ERBB4: variants seen among roughly 807,000 people sequenced by gnomAD.
ERBB4 encodes erb-b2 receptor tyrosine kinase 4.
A neutral mutation model predicts 158.0 loss-of-function variants in ERBB4; 42 were observed. The ratio of observed to expected loss-of-function variants is 0.27; its 90% CI spans 0.21 to 0.34. The LOEUF (loss-of-function observed/expected upper bound fraction) is 0.34. Among genes scored for constraint, ERBB4 ranks in the 10% least tolerant of loss-of-function variants. The pLI is 1.00. For synonymous variants in ERBB4, 583 were observed against 558.7 expected (o/e 1.04, Z -0.61); for missense variants, 1,333 against 1,624.1 (o/e 0.82, Z 3.08).
At chr2:211,889,904 G>A (rs1448950672) in intron 3 of ERBB4, among the ~76,000 whole-genome samples, 2 of 141,826 alleles carry the variant, frequency 1.4e-5, no homozygotes, top group Admixed American at 7.1e-5. Flanking sequence ...ATGGGACTAT[G>A]TGAAAAGACC....
At chr2:211,422,591 T>G (rs528097019) in intron 23 of ERBB4, among the ~76,000 whole-genome samples, 1 of 151,796 alleles carries the variant, frequency 6.6e-6, no homozygotes, top group South Asian at 2.1e-4. Flanking sequence ...AAAAATACTA[T>G]CAGCAATTTT....
intron 3 of ERBB4, among the ~76,000 whole-genome samples, chr2:211,944,177 C>T (rs1479261922): frequency 2.6e-5 from 1 of 38,584 alleles, no homozygotes; most frequent in Non-Finnish European, 5.6e-5. Context: ...TATATATATA[C>T]TATATATATA....
At chr2:212,019,896 G>A (rs924718075) in intron 2 of ERBB4, among the ~76,000 whole-genome samples, 39 of 151,824 alleles carry the variant, frequency 2.6e-4, no homozygotes, top group African/African-American at 9.4e-4. Context: ...CTAGAGATGG[G>A]GTCTATATTT....
At chr2:212,443,075 T>C (rs531684670) in intron 1 of ERBB4, among the ~76,000 whole-genome samples, 1 of 152,364 alleles carries the variant, frequency 6.6e-6, no homozygotes, top group Admixed American at 6.5e-5. Flanking sequence ...ATGCAGCCAT[T>C]GACTTGGCAA....
At chr2:211,426,876 T>C (rs1414694218) in intron 22 of ERBB4, among the ~76,000 whole-genome samples, 3 of 151,790 alleles carry the variant, frequency 2.0e-5, no homozygotes, top group Non-Finnish European at 2.9e-5. Context: ...AATGTATAAA[T>C]GCTAATCTAC....
chr2:212,297,397 C>A (rs190575979), intron 1 of ERBB4, among the ~76,000 whole-genome samples: 82 of 151,918 alleles, frequency 5.4e-4, no homozygotes, highest in African/African-American at 1.9e-3. Flanking sequence ...TTAATGTAAC[C>A]TTTGTGATAA....
rs560962419 is a variant in ERBB4, at chr2:211,513,269, T to G, written c.2487+48634A>C. Among the ~76,000 whole-genome samples the G allele has an allele frequency of 4.1e-5, 6 of 147,672 alleles. 1 individual carries two copies. In the Middle Eastern group the frequency reaches 0.015, roughly 367 times the overall value. On this transcript the variant is annotated intron_variant, in intron 20 of 27. Transcript: ENST00000342788. ...ATCAGGCTGAGGCAGGAGAATGGCG[T>G]GAACCCGGGAAGCGGAGCTTGCAGT...
At chr2:212,104,006 G>A (rs1476451982) in intron 2 of ERBB4, among the ~76,000 whole-genome samples, 1 of 151,976 alleles carries the variant, frequency 6.6e-6, no homozygotes, top group East Asian at 1.9e-4. Context: ...GAATTGGGAA[G>A]GAATTACTCA....
intron 12 of ERBB4, among the ~76,000 whole-genome samples, chr2:211,690,759 C>G (rs2072781897): frequency 6.6e-6 from 1 of 152,070 alleles, no homozygotes; most frequent in Non-Finnish European, 1.5e-5. Flanking sequence ...TGACTTCCTG[C>G]AGTGATAGTC....
rs1330628617 is a variant in ERBB4 at position 211,788,145 on chromosome 2, C to G, written c.436G>C (p.Gly146Arg). ...AATTTGTTCTGGTCTACATAGACTC[C>G]ACCATTTAGGATTTCTGTATTAAAA... ...LKNLTEILNG[G>R]VYVDQNKFLC... is the part of the protein sequence containing the mutation. The change falls in exon 4 of 28, where the codon GGA (glycine) becomes CGA (arginine). Residue 146 changes from glycine to arginine, a missense_variant. Coordinates refer to ENST00000342788, the MANE Select transcript of ERBB4 (RefSeq NM_005235.3). The G allele has an allele frequency of 6.2e-7, 1 of 1,611,906 alleles. No individual in the cohort carries two copies. The highest frequency in any genetic ancestry group is 8.5e-7 in the Non-Finnish European group (1 of 1,178,454).
At chr2:211,704,780 C>T (rs981007916) in intron 10 of ERBB4, among the ~76,000 whole-genome samples, 3 of 152,046 alleles carry the variant, frequency 2.0e-5, no homozygotes, top group Admixed American at 6.6e-5. Context: ...TTGCAAGAGT[C>T]GTAATGTCAA....
chr2:211,976,903 T>C (rs954488364), intron 2 of ERBB4, among the ~76,000 whole-genome samples: 1 of 152,186 alleles, frequency 6.6e-6, no homozygotes, highest in Non-Finnish European at 1.5e-5. Flanking sequence ...TAAGAAAATA[T>C]CAGTTTCTAT....
intron 1 of ERBB4, among the ~76,000 whole-genome samples, chr2:212,181,821 A>C (rs2081875496): frequency 6.6e-6 from 1 of 151,802 alleles, no homozygotes; most frequent in Admixed American, 6.6e-5. Context: ...AGAGTGAGGC[A>C]ACACCTAATC....
intron 19 of ERBB4, among the ~76,000 whole-genome samples, chr2:211,599,968 T>G (rs1306758489): frequency 6.6e-6 from 1 of 152,178 alleles, no homozygotes; most frequent in Non-Finnish European, 1.5e-5. Context: ...TCTTTCTTGT[T>G]TCCATGTGAG....
At chr2:212,070,865 A>T (rs953120152) in intron 2 of ERBB4, among the ~76,000 whole-genome samples, 2 of 151,420 alleles carry the variant, frequency 1.3e-5, no homozygotes, top group Non-Finnish European at 1.5e-5. Context: ...GCCATTTCAC[A>T]CTTCTTTTTT....
At chr2:211,635,310 T>G (rs1201609307) in intron 16 of ERBB4, among the ~76,000 whole-genome samples, 1 of 152,214 alleles carries the variant, frequency 6.6e-6, no homozygotes, top group East Asian at 1.9e-4. Context: ...CACAAACGAA[T>G]TTTGCTAATT....
chr2:211,615,496 G>T lies in ERBB4; in HGVS notation c.2301+3681C>A, dbSNP rs1350879115. 2.6e-5 allele frequency among the ~76,000 whole-genome samples: 4 copies of T among 152,062 alleles called. No homozygotes were observed. In the East Asian group the frequency reaches 7.8e-4, roughly 29 times the overall value. On this transcript the variant is annotated intron_variant, in intron 19 of 27. Coordinates refer to ENST00000342788, the MANE Select transcript of ERBB4 (RefSeq NM_005235.3). Reference sequence around the variant, plus strand: ...TTGTTCAATATGATCTTTCTTTATGGGAATGAAGAATGTACTGGTCATTCA... The same window carrying T: ...TTGTTCAATATGATCTTTCTTTATGTGAATGAAGAATGTACTGGTCATTCA...
Position 211,721,772 on chromosome 2 carries a change from C to T in ERBB4, c.883+621G>A, listed in dbSNP as rs1290294850. 4.6e-5 allele frequency among the ~76,000 whole-genome samples: 7 copies of T among 152,080 alleles called. No homozygotes were observed. In the South Asian group the frequency reaches 1.5e-3, roughly 32 times the overall value. On this transcript the variant is annotated intron_variant, in intron 7 of 27. Coordinates refer to ENST00000342788, the MANE Select transcript of ERBB4 (RefSeq NM_005235.3). ...TTAGAAGCAGATCCTATTCATTACA[C>T]AGCTTGCTGCCACTTAACTAATTAC...
intron 3 of ERBB4, among the ~76,000 whole-genome samples, chr2:211,940,524 C>A (rs1230429196): frequency 6.6e-6 from 1 of 151,984 alleles, no homozygotes; most frequent in African/African-American, 2.4e-5. Context: ...TTTAAGGTTC[C>A]AAGTAGGGAA....
Sources: gnomAD v4.1 joint callset for allele counts (sites outside exome capture counted in the v4.1 genomes callset) on GRCh38, gnomAD v4.1.1 for gene constraint, MANE v1.5 for transcripts, NCBI Gene and HGNC (gene_info 2026-07-23, HGNC 2026-07-21) for gene names.